Variants in TESMIN observed in about 807,000 individuals in gnomAD.
The protein encoded by TESMIN is CXC domain containing 2.
TESMIN carries 34 observed loss-of-function variants against 47.4 expected under a neutral mutation model. That is an observed-to-expected ratio of 0.72 (90% CI 0.55 to 0.96). TESMIN has a LOEUF of 0.96. Among genes scored for constraint, TESMIN ranks in the 40% least tolerant of loss-of-function variants. TESMIN has a pLI of 0.00. For missense variants in TESMIN, 610 were observed against 637.2 expected (o/e 0.96, Z 0.46); for synonymous variants, 278 against 258.9 (o/e 1.07, Z -0.71).
intron 9 of TESMIN, 126 bp from the exon 10 acceptor site, chr11:68,708,626 C>T (rs914977172): frequency 2.6e-5 from 24 of 911,700 alleles, no homozygotes; most frequent in African/African-American, 1.4e-4. Flanking sequence ...TAAAATCTAA[C>T]GTTGTCTTCC....
Position 68,707,904 on chromosome 11 carries a change from G to A in TESMIN, c.*404C>T, listed in dbSNP as rs989863886. The stretch of plus-strand genomic sequence containing the variant: ...GAAACCATTAGGGTTTTCATGCAGA[G>A]CAGCCTCCAGAGCAACATTCTCTGA... On this transcript the variant is annotated 3_prime_UTR_variant, in exon 10 of 10. Coordinates refer to ENST00000255087, the MANE Select transcript of TESMIN (RefSeq NM_004923.3). 2.2e-6 allele frequency: 1 copy of A among 463,542 alleles called. No homozygotes were observed. Among genetic ancestry groups the A allele is most frequent in the Non-Finnish European group, 4.3e-6 (1 of 232,126 alleles). The allele number at this position is 463,542 out of a possible 1,614,324, so 28.7% of individuals were successfully genotyped here. A position where few individuals can be genotyped will look rare whatever the true frequency, so the allele number is the denominator to read the frequency against.
intron 2 of TESMIN, among the ~76,000 whole-genome samples, chr11:68,747,974 ATGC>A (rs1187004620): frequency 6.6e-6 from 1 of 152,316 alleles, no homozygotes; most frequent in African/African-American, 2.4e-5. Flanking sequence ...CAACATTGGG[ATGC>A]TGCTTTTTAC....
intron 6 of TESMIN, among the ~76,000 whole-genome samples, chr11:68,729,091 C>T (rs1946297993): frequency 6.6e-6 from 1 of 152,172 alleles, no homozygotes. Context: ...TCTATAGCTG[C>T]TATTGATAGT....
chr11:68,750,300 T>C lies in TESMIN; in HGVS notation c.361A>G (p.Asn121Asp), dbSNP rs1038972056. Residue 121 changes from asparagine to aspartate, a missense_variant, in exon 2 of 10, where the codon AAC (asparagine) becomes GAC (aspartate). Coordinates refer to ENST00000255087, the MANE Select transcript of TESMIN (RefSeq NM_004923.3). ...AGCAGCGAGGACAGGAAGTGCACGT[T>C]GCAGGCGGGCGGCTGCGGGGCCTGC... ...LLQAPQPPAC[N>D]VHFLSSLLPA... 14 of 1,536,090 alleles carry C rather than the reference T, an allele frequency of 9.1e-6. No homozygotes were observed. The highest frequency in any genetic ancestry group is 1.7e-4 in the Middle Eastern group (1 of 5,804).
rs563227125 is a variant in TESMIN at position 68,710,982 on chromosome 11, C to T, written c.1226G>A (p.Arg409Gln). Reference sequence around the variant, plus strand: ...GTTTGGCATGCTCATTAGTGTCTTTCGTTCTGGGCTTTCTTCATAATTTTT... The same window carrying T: ...GTTTGGCATGCTCATTAGTGTCTTTTGTTCTGGGCTTTCTTCATAATTTTT... ...GCKNYEESPE[R>Q]KTLMSMPNYM... The change falls in exon 9 of 10, where the codon CGA (arginine) becomes CAA (glutamine). Residue 409 changes from arginine to glutamine, a missense_variant. Physicochemically the swap from Arg to Gln is conservative, Grantham distance 43. Transcript: ENST00000255087. 7.4e-6 allele frequency: 12 copies of T among 1,613,988 alleles called. No individual in the cohort carries two copies. The highest frequency in any genetic ancestry group is 2.7e-5 in the African/African-American group (2 of 75,036).
Position 68,738,481 on chromosome 11 carries a change from G to T in TESMIN, c.917+219C>A, listed in dbSNP as rs1023146967. The T allele has an allele frequency of 7.4e-6, 10 of 1,355,904 alleles. No homozygotes were observed. The South Asian group carries it at 9.4e-5, about 13-fold the overall frequency. The allele number at this position is 1,355,904 out of a possible 1,614,324, so 84.0% of individuals were successfully genotyped here. ...GGACAGGAGGACAGGGACAGATGCAGGTTATGGGCCAGACTTTCCAGCAGC... is the reference window on the plus strand; with the variant it reads ...GGACAGGAGGACAGGGACAGATGCATGTTATGGGCCAGACTTTCCAGCAGC... On this transcript the variant is annotated intron_variant, in intron 6 of 9. Coordinates refer to ENST00000255087, the MANE Select transcript of TESMIN (RefSeq NM_004923.3).
chr11:68,709,154 T>C (rs1005016723), intron 9 of TESMIN, among the ~76,000 whole-genome samples: 12 of 152,212 alleles, frequency 7.9e-5, no homozygotes, highest in Non-Finnish European at 1.8e-4. Flanking sequence ...CTGTCCGTTT[T>C]TGACATGCCT....
intron 8 of TESMIN, among the ~76,000 whole-genome samples, chr11:68,712,497 A>C (rs1946084846): frequency 6.6e-6 from 1 of 152,190 alleles, no homozygotes; most frequent in African/African-American, 2.4e-5. Flanking sequence ...AAGCAAACCA[A>C]AACAGAGGTT....
At chr11:68,738,627 A>G in intron 6 of TESMIN, 73 bp downstream of exon 6, 1 of 1,593,636 alleles carries the variant, frequency 6.3e-7, no homozygotes, top group Non-Finnish European at 8.5e-7. Context: ...AGTATAGAAG[A>G]AAATCGTGAA....
rs140402318 is a variant in TESMIN, at chr11:68,709,047, G to A, written c.1335-547C>T. ...ATTACAGGCGTGAGCCACCACACCC[G>A]GCGGAGACCCTGTCTTAAAAAAAAA... On this transcript the variant is annotated intron_variant, in intron 9 of 9. Transcript: ENST00000255087. 5.8e-3 allele frequency among the ~76,000 whole-genome samples: 867 copies of A among 149,898 alleles called. 10 individuals carry two copies. Among genetic ancestry groups the A allele is most frequent in the African/African-American group, 0.02 (808 of 40,786 alleles).
intron 6 of TESMIN, among the ~76,000 whole-genome samples, chr11:68,718,082 AGGCCCAGTCAGCCCACACCTCAGCTACAG>A (rs1946160903): frequency 6.9e-6 from 1 of 145,462 alleles, no homozygotes; most frequent in East Asian, 2.0e-4. Context: ...GTGCACCTGC[AGGCCCAGTCAGCCCACACCTCAGCTACAG>A]CCCCCAGACA....
chr11:68,738,016 G>T, intron 6 of TESMIN: 2 of 985,442 alleles, frequency 2.0e-6, no homozygotes, highest in East Asian at 1.1e-4. Flanking sequence ...TCAACTACAG[G>T]GCTCAACGAA....
intron 9 of TESMIN, among the ~76,000 whole-genome samples, chr11:68,709,356 C>T (rs1946035316): frequency 6.6e-6 from 1 of 152,218 alleles, no homozygotes; most frequent in Admixed American, 6.5e-5. Flanking sequence ...CCTGTCCTCC[C>T]CGCAGGCCCA....
intron 1 of TESMIN, 26 bp from the exon 2 acceptor site, chr11:68,750,725 C>T (rs1237904467): frequency 1.6e-6 from 2 of 1,219,230 alleles, no homozygotes; most frequent in Non-Finnish European, 2.2e-6. Flanking sequence ...AGGTGAGAGG[C>T]AGCCAGAGGA....
intron 3 of TESMIN, among the ~76,000 whole-genome samples, 199 bp from the exon 4 acceptor site, chr11:68,745,310 A>G (rs980175361): frequency 8.6e-5 from 13 of 151,642 alleles, no homozygotes; most frequent in Non-Finnish European, 1.6e-4. Flanking sequence ...CAAAAAAAAA[A>G]AAAAAAAAAA....
intron 6 of TESMIN, among the ~76,000 whole-genome samples, chr11:68,729,157 A>G (rs1289959355): frequency 6.6e-6 from 1 of 152,236 alleles, no homozygotes; most frequent in Non-Finnish European, 1.5e-5. Context: ...AAATTATTCC[A>G]TTCTGTGTGC....
chr11:68,713,487 CTGAT>C, intron 7 of TESMIN, 80 bp from the exon 8 acceptor site: 1 of 1,511,828 alleles, frequency 6.6e-7, no homozygotes, highest in Non-Finnish European at 9.1e-7. Flanking sequence ...TCATTTGAAT[CTGAT>C]TGTTGTAAAA....
At chr11:68,719,586 A>T (rs1946181383) in intron 6 of TESMIN, among the ~76,000 whole-genome samples, 1 of 152,234 alleles carries the variant, frequency 6.6e-6, no homozygotes, top group Non-Finnish European at 1.5e-5. Context: ...ATATTAGAAG[A>T]TTCAGTTAAA....
chr11:68,750,340 C>T lies in TESMIN; in HGVS notation c.321G>A (p.Glu107=), dbSNP rs1187726567. 2.0e-6 allele frequency: 3 copies of T among 1,505,144 alleles called. No individual in the cohort carries two copies. The African/African-American group carries it at 4.2e-5, about 21-fold the overall frequency. 93.2% of individuals were successfully genotyped at this position (1,505,144 alleles called of 1,614,324 possible). A position where few individuals can be genotyped will look rare whatever the true frequency, so the allele number is the denominator to read the frequency against. ...YPGIPELSAL[E]DVALLQAPQP... ...GCGGGGCCTGCAGGAGCGCGACGTC[C>T]TCCAGCGCGCTGAGCTCTGGGATCC... is the stretch of plus-strand genomic sequence containing the variant. The change falls in exon 2 of 10, where the codon GAG becomes GAA. Residue 107 remains glutamate (E), a synonymous_variant. Transcript: ENST00000255087.
Sources: allele counts gnomAD v4.1 joint callset (sites outside exome capture counted in the v4.1 genomes callset), GRCh38; gene constraint gnomAD v4.1.1; transcripts MANE v1.5; gene names NCBI Gene and HGNC (gene_info 2026-07-23, HGNC 2026-07-21).